TMEM25: variants seen among roughly 807,000 people sequenced by gnomAD.
TMEM25 encodes the protein transmembrane protein 25, also known as 0610039J01Rik.
Under a neutral mutation model 37.0 loss-of-function variants are expected in TMEM25, and 36 were observed. That is an observed-to-expected ratio of 0.97 (90% CI 0.75 to 1.28). The LOEUF (loss-of-function observed/expected upper bound fraction) is 1.28. Among genes scored for constraint, TMEM25 ranks in the 50% most tolerant of loss-of-function variants. The pLI, the probability that TMEM25 is intolerant of heterozygous loss-of-function variation, is 0.00. For synonymous variants in TMEM25, 197 were observed against 203.7 expected (o/e 0.97, Z 0.28); for missense variants, 444 against 477.9 (o/e 0.93, Z 0.66).
At chr11:118,531,350 G>A (rs1296744263) in intron 1 of TMEM25, 116 bp downstream of exon 1, 56 of 335,776 alleles carry the variant, frequency 1.7e-4, no homozygotes, top group Non-Finnish European at 5.6e-6. Context: ...AGGGGGCGTA[G>A]GGCGAGGGAT....
At chr11:118,531,318 C>G (rs1484861252) in intron 1 of TMEM25, 84 bp downstream of exon 1, 1 of 332,408 alleles carries the variant, frequency 3.0e-6, no homozygotes, top group East Asian at 8.9e-5. Context: ...CCGACATCCA[C>G]CGGAGCCACC....
In TMEM25 at chr11:118,532,541, G is replaced by A; in HGVS notation, c.382+80G>A. 3.4e-6 allele frequency: 5 copies of A among 1,484,782 alleles called. No individual in the cohort carries two copies. In the South Asian group the frequency reaches 3.9e-5, roughly 12 times the overall value. The allele number at this position is 1,484,782 out of a possible 1,614,324, so 92.0% of individuals were successfully genotyped here. A position where few individuals can be genotyped will look rare whatever the true frequency, so the allele number is the denominator to read the frequency against. ...CACCCACCAGGCAGGTGGTCCGCAG[G>A]ACATTTAGCAGACACTTAAGCACTT... On this transcript the variant is annotated intron_variant, in intron 3 of 8. Coordinates refer to ENST00000313236, the MANE Select transcript of TMEM25 (RefSeq NM_032780.4).
chr11:118,545,060 G>A, intron 8 of TMEM25: 1 of 1,255,592 alleles, frequency 8.0e-7, no homozygotes, highest in African/African-American at 1.5e-5. Context: ...TATGCTAATT[G>A]CTATATTTTA....
At position 118,535,667 on chromosome 11, in the gene TMEM25, G is replaced by A. The variant is rs2135418399; in HGVS notation, c.*1087G>A. The A allele has an allele frequency of 1.3e-6, 2 of 1,502,768 alleles. No individual in the cohort carries two copies. Among genetic ancestry groups the A allele is most frequent in the Non-Finnish European group, 8.9e-7 (1 of 1,124,912 alleles). The allele number at this position is 1,502,768 out of a possible 1,614,324, so 93.1% of individuals were successfully genotyped here. On this transcript the variant is annotated 3_prime_UTR_variant, in exon 9 of 9. Coordinates refer to ENST00000313236, the MANE Select transcript of TMEM25 (RefSeq NM_032780.4). ...AAAGAAGGAGACCACATACCCCAAA[G>A]TGACCTAAGAACACTTTAAAAAGCA...
At chr11:118,545,558 G>T in intron 8 of TMEM25, 2 of 1,376,498 alleles carry the variant, frequency 1.5e-6, no homozygotes, top group Non-Finnish European at 2.1e-6. Flanking sequence ...AGGCCCTTCT[G>T]TCTAGCACAG....
At chr11:118,537,061 G>C (rs1951519759), downstream of TMEM25, among the ~76,000 whole-genome samples, 1 of 152,032 alleles carries the variant, frequency 6.6e-6, no homozygotes, top group Non-Finnish European at 1.5e-5. Context: ...TTTGGAGGGG[G>C]CAGGCATGGT....
chr11:118,533,133 G>A lies in TMEM25; in HGVS notation c.599G>A (p.Arg200His), dbSNP rs377765778. Residue 200 changes from arginine to histidine, a missense_variant, in exon 4 of 9, where the codon CGC (arginine) becomes CAC (histidine). Coordinates refer to ENST00000313236, the MANE Select transcript of TMEM25 (RefSeq NM_032780.4). ...LTNHTVQLQL[R>H]SLAHNLSVVA... ...AACCACACGGTGCAGCTGCAGCTCC[G>A]CAGCCTGGCACACAACCTCTCGGTG... is the stretch of plus-strand genomic sequence containing the variant. The A allele has an allele frequency of 1.1e-5, 17 of 1,611,516 alleles. No homozygotes were observed. Among genetic ancestry groups the A allele is most frequent in the Middle Eastern group, 3.3e-4 (2 of 6,084 alleles).
intron 1 of TMEM25, 111 bp from the exon 2 acceptor site, chr11:118,531,664 A>C (rs1951276563): frequency 1.2e-6 from 1 of 859,786 alleles, no homozygotes; most frequent in Non-Finnish European, 1.8e-6. Flanking sequence ...GGGCTGGTCT[A>C]CATTTGCGTT....
At chr11:118,546,849 G>A (rs1373040046), downstream of TMEM25, 1 of 152,108 alleles carries the variant, frequency 6.6e-6, no homozygotes, top group Non-Finnish European at 1.5e-5. Flanking sequence ...AGAGAAAATG[G>A]GCATGACATC....
downstream of TMEM25, among the ~76,000 whole-genome samples, chr11:118,537,806 T>A (rs996441112): frequency 1.3e-5 from 2 of 152,112 alleles, no homozygotes; most frequent in African/African-American, 4.8e-5. Context: ...ACCCTAGCAC[T>A]TTGGGAGGCC....
At position 118,532,459 on chromosome 11, in the gene TMEM25, A is replaced by G. The variant is rs1555059702; in HGVS notation, c.380A>G (p.Gln127Arg). The G allele has an allele frequency of 6.2e-7, 1 of 1,609,996 alleles. No individual in the cohort carries two copies. Among genetic ancestry groups the G allele is most frequent in the Admixed American group, 1.7e-5 (1 of 59,896 alleles). ...AACGCCTCTGTCATCCTTAATGTGC[A>G]ATGTGAGTGGCCCTGAGGTGGGCAG... is the stretch of plus-strand genomic sequence containing the variant. ...SANASVILNV[Q>R]FKPEIAQVGA... The change falls in exon 3 of 9, where the codon CAA becomes CGA. Residue 127 changes from glutamine to arginine, a missense_variant and splice_region_variant. Physicochemically the swap from Gln to Arg is conservative, Grantham distance 43. Transcript: ENST00000313236.
rs1951467337 is a variant in TMEM25, at chr11:118,534,930, C to T, written c.*350C>T. On this transcript the variant is annotated 3_prime_UTR_variant, in exon 9 of 9. Coordinates refer to ENST00000313236, the MANE Select transcript of TMEM25 (RefSeq NM_032780.4). This position sits in a 1 kb window ranked among gnomAD's most constrained non-coding sequence, Gnocchi z 4.6. ...GTGTGGCATGGCCTGCTGTATACCCCACCCCAGTACTCCACAGCACCTTGT... is the reference window on the plus strand; with the variant it reads ...GTGTGGCATGGCCTGCTGTATACCCTACCCCAGTACTCCACAGCACCTTGT... 1 of 1,167,714 alleles carries T rather than the reference C, an allele frequency of 8.6e-7. No homozygotes were observed. Among genetic ancestry groups the T allele is most frequent in the South Asian group, 2.1e-5 (1 of 46,652 alleles). The allele number at this position is 1,167,714 out of a possible 1,614,324, so 72.3% of individuals were successfully genotyped here. A position where few individuals can be genotyped will look rare whatever the true frequency, so the allele number is the denominator to read the frequency against.
chr11:118,542,575 C>T (rs1184007899), intron 8 of TMEM25, among the ~76,000 whole-genome samples: 4 of 151,354 alleles, frequency 2.6e-5, no homozygotes, highest in African/African-American at 9.7e-5. Flanking sequence ...TGGAGACCAG[C>T]CCGGGCAACA....
rs553612387 is a variant in TMEM25 at position 118,546,056 on chromosome 11, T to C, written c.1028-63T>C. 6.6e-5 allele frequency: 47 copies of C among 713,372 alleles called. No individual in the cohort carries two copies. In the African/African-American group the frequency reaches 6.7e-4, roughly 10 times the overall value. 44.2% of individuals were successfully genotyped at this position (713,372 alleles called of 1,614,324 possible). ...TTTGGAGATAACATCTTTAAAGAGATAATTAAATTAAAACAAGGTCATTAG... is the reference window on the plus strand; with the variant it reads ...TTTGGAGATAACATCTTTAAAGAGACAATTAAATTAAAACAAGGTCATTAG... On this transcript the variant is annotated intron_variant, in intron 8 of 8. Coordinates refer to the TMEM25 transcript ENST00000354284.
In TMEM25 at chr11:118,535,814, A is replaced by C. The variant is rs531061565; in HGVS notation, c.*1234A>C. ...TGCTGAGCACACAGCAAGTTTAATA[A>C]ACTTGACTGAATTCATTTACATATC... On this transcript the variant is annotated 3_prime_UTR_variant, in exon 9 of 9. Transcript: ENST00000313236. The C allele has an allele frequency of 5.9e-4, 725 of 1,237,878 alleles. 8 individuals are homozygous for C. Among genetic ancestry groups the C allele is most frequent in the Middle Eastern group, 5.7e-4 (2 of 3,498 alleles). 76.7% of individuals were successfully genotyped at this position (1,237,878 alleles called of 1,614,324 possible).
chr11:118,546,165 G>C, exon 9 of TMEM25: 1 of 718,458 alleles, frequency 1.4e-6, no homozygotes, highest in Non-Finnish European at 2.6e-6. Context: ...AAGACCATGG[G>C]AAGACACAGA....
At chr11:118,537,976 A>G (rs1272923650), downstream of TMEM25, among the ~76,000 whole-genome samples, 2 of 152,014 alleles carry the variant, frequency 1.3e-5, no homozygotes, top group East Asian at 3.9e-4. Flanking sequence ...ACTTCAGCCC[A>G]GGAGGCAGAG....
In TMEM25 at chr11:118,532,949, T is replaced by A. The variant is rs782348160; in HGVS notation, c.415T>A (p.Tyr139Asn). ...AGAGATTGCCCAAGTCGGCGCCAAGTACCAGGAAGCTCAGGGCCCAGGCCT... is the reference window on the plus strand; with the variant it reads ...AGAGATTGCCCAAGTCGGCGCCAAGAACCAGGAAGCTCAGGGCCCAGGCCT... ...KPEIAQVGAK[Y>N]QEAQGPGLLV... The change falls in exon 4 of 9, where the codon TAC (tyrosine) becomes AAC (asparagine). Residue 139 changes from tyrosine (Y) to asparagine (N), a missense_variant. Tyr to Asn is a moderately radical substitution (Grantham distance 143, BLOSUM62 -2). Coordinates refer to ENST00000313236, the MANE Select transcript of TMEM25 (RefSeq NM_032780.4). 101 of 1,614,054 alleles carry A rather than the reference T, an allele frequency of 6.3e-5. No individual in the cohort carries two copies. The Admixed American group carries it at 1.7e-3, about 27-fold the overall frequency.
At chr11:118,539,412 T>C (rs1276621739), downstream of TMEM25, among the ~76,000 whole-genome samples, 1 of 152,062 alleles carries the variant, frequency 6.6e-6, no homozygotes, top group Non-Finnish European at 1.5e-5. Flanking sequence ...GTGATCCACC[T>C]GCCTTGGCCT....
Sources: allele counts gnomAD v4.1 joint callset (sites outside exome capture counted in the v4.1 genomes callset), GRCh38; gene constraint gnomAD v4.1.1; non-coding constraint Gnocchi (gnomAD v3.1); transcripts MANE v1.5; gene names NCBI Gene and HGNC (gene_info 2026-07-23, HGNC 2026-07-21).